The following AGBL4 variants were observed in gnomAD, a reference collection of about 807,000 sequenced individuals.
AGBL4 encodes the protein cytosolic carboxypeptidase 6.
In AGBL4, 58 loss-of-function variants were observed where a neutral mutation model predicts 66.4. The observed-to-expected ratio is 0.87, with a 90% confidence interval of 0.71 to 1.09. The LOEUF is 1.09. AGBL4 is among the 50% of genes least tolerant of loss of function. AGBL4 has a pLI of 0.00. For missense variants in AGBL4, 579 were observed against 631.0 expected (o/e 0.92, Z 0.88); for synonymous variants, 234 against 222.9 (o/e 1.05, Z -0.44).
intron 5 of AGBL4, among the ~76,000 whole-genome samples, chr1:48,951,182 C>A (rs556403019): frequency 2.6e-5 from 4 of 152,176 alleles, no homozygotes; most frequent in African/African-American, 7.2e-5. Context: ...GAGAAAGGAC[C>A]AGTCAGTCCA....
At chr1:48,881,672 C>A (rs961230993) in intron 5 of AGBL4, among the ~76,000 whole-genome samples, 1 of 152,018 alleles carries the variant, frequency 6.6e-6, no homozygotes, top group African/African-American at 2.4e-5. Context: ...TGATCTCCCC[C>A]CTCCACTTTT....
At chr1:48,667,127 C>A (rs904498453) in intron 6 of AGBL4, among the ~76,000 whole-genome samples, 3 of 152,124 alleles carry the variant, frequency 2.0e-5, no homozygotes, top group African/African-American at 7.2e-5. Context: ...TCGACAAATT[C>A]TTTGTTCATT....
chr1:48,915,033 G>A (rs1055650433), intron 5 of AGBL4, among the ~76,000 whole-genome samples: 4 of 152,136 alleles, frequency 2.6e-5, no homozygotes, highest in Non-Finnish European at 4.4e-5. Flanking sequence ...AGACTGATTC[G>A]TCCGTGAGGA....
At chr1:49,963,391 T>G (rs1351269644) in intron 1 of AGBL4, among the ~76,000 whole-genome samples, 1 of 152,116 alleles carries the variant, frequency 6.6e-6, no homozygotes, top group South Asian at 2.1e-4. Flanking sequence ...GTGACTGAAC[T>G]GGGAACACCA....
intron 4 of AGBL4, among the ~76,000 whole-genome samples, chr1:49,238,595 T>C (rs1650969929): frequency 6.6e-6 from 1 of 152,168 alleles, no homozygotes; most frequent in South Asian, 2.1e-4. Context: ...TGACACCACC[T>C]ATTGGGGAGT....
chr1:49,228,553 A>C (rs1650078177), intron 4 of AGBL4, among the ~76,000 whole-genome samples: 1 of 152,218 alleles, frequency 6.6e-6, no homozygotes, highest in African/African-American at 2.4e-5. Context: ...GGCAAAGGGA[A>C]TAGCCAGTGC....
chr1:49,782,050 T>C (rs1644349967), intron 2 of AGBL4, among the ~76,000 whole-genome samples: 1 of 151,742 alleles, frequency 6.6e-6, no homozygotes. Context: ...AAGCATCACC[T>C]TATGAAACTA....
chr1:48,653,213 T>G (rs945881426), intron 8 of AGBL4, 124 bp downstream of exon 8: 1 of 698,160 alleles, frequency 1.4e-6, no homozygotes, highest in Non-Finnish European at 2.3e-6. Flanking sequence ...GGGTGAAACT[T>G]TCTCTAATGA....
chr1:49,536,205 C>A (rs190762984), intron 3 of AGBL4, among the ~76,000 whole-genome samples: 3 of 152,196 alleles, frequency 2.0e-5, no homozygotes, highest in African/African-American at 7.2e-5. Context: ...AGAAAAAGAA[C>A]AATGAGTACT....
intron 2 of AGBL4, chr1:49,845,177 GAA>G (rs1421994740): frequency 1.4e-6 from 2 of 1,424,658 alleles, no homozygotes; most frequent in South Asian, 1.1e-5. Flanking sequence ...CACAAATGAG[GAA>G]AAGTCTTCCG....
At chr1:49,970,079 A>C (rs1321880990) in intron 1 of AGBL4, among the ~76,000 whole-genome samples, 1 of 152,208 alleles carries the variant, frequency 6.6e-6, no homozygotes, top group East Asian at 1.9e-4. Context: ...CTTATCTTAC[A>C]CCATACACAA....
intron 2 of AGBL4, among the ~76,000 whole-genome samples, chr1:49,779,013 AC>A (rs1644269781): frequency 6.6e-6 from 1 of 152,200 alleles, no homozygotes; most frequent in African/African-American, 2.4e-5. Flanking sequence ...TCAGAGCACT[AC>A]CAAAACATAC....
chr1:49,202,840 A>T (rs1042254441), intron 4 of AGBL4, among the ~76,000 whole-genome samples: 1 of 152,138 alleles, frequency 6.6e-6, no homozygotes, highest in African/African-American at 2.4e-5. Flanking sequence ...AATGAGAGAA[A>T]ATATTTGTGA....
At chr1:49,574,456 G>A (rs1489579662) in intron 3 of AGBL4, among the ~76,000 whole-genome samples, 1 of 152,160 alleles carries the variant, frequency 6.6e-6, no homozygotes, top group Non-Finnish European at 1.5e-5. Flanking sequence ...GGGATCCAAA[G>A]GCTTAGGGAG....
chr1:49,831,555 A>T (rs1311639773), intron 2 of AGBL4, among the ~76,000 whole-genome samples: 1 of 152,212 alleles, frequency 6.6e-6, no homozygotes, highest in Non-Finnish European at 1.5e-5. Flanking sequence ...TCAATATGCA[A>T]ATAGAGACAA....
chr1:49,866,276 A>G (rs1343841497), intron 1 of AGBL4, among the ~76,000 whole-genome samples: 1 of 152,112 alleles, frequency 6.6e-6, no homozygotes, highest in African/African-American at 2.4e-5. Context: ...AAGATATTCC[A>G]TGAGAAGATC....
intron 3 of AGBL4, among the ~76,000 whole-genome samples, chr1:49,538,600 G>T (rs1651783079): frequency 6.6e-6 from 1 of 152,056 alleles, no homozygotes; most frequent in Non-Finnish European, 1.5e-5. Flanking sequence ...TACACACAAA[G>T]ACTGAAATAC....
At chr1:49,753,058 G>A (rs1300528066) in intron 2 of AGBL4, among the ~76,000 whole-genome samples, 1 of 152,144 alleles carries the variant, frequency 6.6e-6, no homozygotes, top group Non-Finnish European at 1.5e-5. Flanking sequence ...GGGGCATTTA[G>A]CCCATTTACA....
chr1:49,420,393 T>C (rs1001988619), intron 3 of AGBL4, among the ~76,000 whole-genome samples: 11 of 152,104 alleles, frequency 7.2e-5, no homozygotes, highest in African/African-American at 2.7e-4. Context: ...TCTAAGAAGA[T>C]AATGAATGTA....
Sources: allele counts gnomAD v4.1 joint callset (sites outside exome capture counted in the v4.1 genomes callset), GRCh38; gene constraint gnomAD v4.1.1; transcripts MANE v1.5; gene names NCBI Gene and HGNC (gene_info 2026-07-23, HGNC 2026-07-21).